Variants in RAP1GAP2 observed in about 807,000 individuals in gnomAD.
RAP1GAP2 encodes the protein RAP1 GTPase activating protein 2.
Under a neutral mutation model 95.0 loss-of-function variants are expected in RAP1GAP2, and 27 were observed. That is an observed-to-expected ratio of 0.28 (90% CI 0.21 to 0.39). The LOEUF (loss-of-function observed/expected upper bound fraction) is 0.39. Among genes scored for constraint, RAP1GAP2 ranks in the 10% least tolerant of loss-of-function variants. RAP1GAP2 has a pLI of 1.00. For missense variants in RAP1GAP2, 771 were observed against 970.0 expected, an observed-to-expected ratio of 0.79 and a Z score of 2.72; for synonymous variants, 373 against 380.9, an observed-to-expected ratio of 0.98 and a Z score of 0.24.
chr17:2,771,514 A>G (rs956343297), intron 2 of RAP1GAP2, among the ~76,000 whole-genome samples: 5 of 111,260 alleles, frequency 4.5e-5, no homozygotes, highest in African/African-American at 1.8e-4. Flanking sequence ...TTTTTTTTAG[A>G]TAGAGTTTTG....
intron 2 of RAP1GAP2, among the ~76,000 whole-genome samples, chr17:2,860,459 G>C (rs1448878381): frequency 3.3e-5 from 5 of 151,928 alleles, no homozygotes; most frequent in African/African-American, 1.2e-4. Flanking sequence ...TTAATCTCCT[G>C]CTTGGTCTCC....
At chr17:2,891,776 T>C (rs2073724027) in intron 2 of RAP1GAP2, among the ~76,000 whole-genome samples, 1 of 150,844 alleles carries the variant, frequency 6.6e-6, no homozygotes, top group African/African-American at 2.4e-5. Flanking sequence ...AGAGTTGCTG[T>C]TGAAAAGTCT....
chr17:2,897,804 A>G (rs957352639), intron 2 of RAP1GAP2, among the ~76,000 whole-genome samples: 5 of 152,096 alleles, frequency 3.3e-5, no homozygotes, highest in Non-Finnish European at 5.9e-5. Context: ...GCTTGTCTGC[A>G]TAATGAGGCT....
intron 9 of RAP1GAP2, 55 bp from the exon 10 acceptor site, chr17:2,981,140 C>G: frequency 6.5e-7 from 1 of 1,531,322 alleles, no homozygotes. Flanking sequence ...GCAGAGGAGC[C>G]CAGATGTCCT....
chr17:3,014,893 T>C (rs9903645), intron 17 of RAP1GAP2, among the ~76,000 whole-genome samples: 103,984 of 152,088 alleles, frequency 0.68, 35,683 homozygotes, highest in Admixed American at 0.7. Flanking sequence ...AACTCATTCA[T>C]GGAACCTGGC....
rs1597574115 is a variant in RAP1GAP2 at position 2,906,159 on chromosome 17, C to T, written c.165+791C>T. 6.6e-6 allele frequency among the ~76,000 whole-genome samples: 1 copy of T among 152,144 alleles called. No individual in the cohort carries two copies. On this transcript the variant is annotated intron_variant, in intron 3 of 24. Coordinates refer to ENST00000254695, the MANE Select transcript of RAP1GAP2 (RefSeq NM_015085.5). This position sits in a 1 kb window ranked among gnomAD's most constrained non-coding sequence, Gnocchi z 4.3. ...GTGAGGACTAGTGCTGAAGAAGTCA[C>T]CTGCCTCCTGAGTCATCTGAGGGGA...
chr17:2,975,222 C>T (rs374173165), intron 8 of RAP1GAP2, among the ~76,000 whole-genome samples: 2 of 150,706 alleles, frequency 1.3e-5, no homozygotes, highest in African/African-American at 2.4e-5. Flanking sequence ...CAGAGCAAGA[C>T]TGCGTCTCAA....
At chr17:3,002,087 T>C (rs7502034) in intron 14 of RAP1GAP2, among the ~76,000 whole-genome samples, 13,932 of 151,752 alleles carry the variant, frequency 0.092, 648 homozygotes, top group South Asian at 0.15. Context: ...CTCAGCCTCC[T>C]GAGTAGGTGG....
At chr17:2,914,725 T>C (rs1021785277) in intron 3 of RAP1GAP2, among the ~76,000 whole-genome samples, 6 of 151,038 alleles carry the variant, frequency 4.0e-5, no homozygotes, top group East Asian at 2.0e-4. Flanking sequence ...CTCCTGACCT[T>C]GTGATCCACC....
At chr17:2,967,238 G>A (rs921194146) in intron 8 of RAP1GAP2, among the ~76,000 whole-genome samples, 2 of 152,124 alleles carry the variant, frequency 1.3e-5, no homozygotes, top group Non-Finnish European at 2.9e-5. Context: ...GGGCGTGGTG[G>A]CGGGTGCCTG....
At chr17:2,907,038 C>T (rs935254006) in intron 3 of RAP1GAP2, among the ~76,000 whole-genome samples, 7 of 152,156 alleles carry the variant, frequency 4.6e-5, no homozygotes, top group Non-Finnish European at 7.4e-5. Context: ...TTGTGGCAGC[C>T]GAAGGGTGGT....
chr17:3,012,958 C>T (rs375299185), intron 17 of RAP1GAP2, among the ~76,000 whole-genome samples: 19 of 152,304 alleles, frequency 1.2e-4, no homozygotes, highest in South Asian at 4.1e-4. Context: ...CACGTGCAGG[C>T]CACATTTTGA....
At chr17:2,930,605 C>T (rs1431168891) in intron 3 of RAP1GAP2, among the ~76,000 whole-genome samples, 1 of 152,194 alleles carries the variant, frequency 6.6e-6, no homozygotes. Context: ...GGTGGGAATG[C>T]CGCTTCAAAC....
chr17:2,805,424 C>T (rs1333588833), intron 2 of RAP1GAP2, among the ~76,000 whole-genome samples: 6 of 152,120 alleles, frequency 3.9e-5, no homozygotes, highest in African/African-American at 1.2e-4. Context: ...GGTGCAATCT[C>T]GGCTCACTGC....
rs897372200 is a variant in RAP1GAP2 at position 2,965,816 on chromosome 17, A to G, written c.596+173A>G. 9 of 604,682 alleles carry G rather than the reference A, an allele frequency of 1.5e-5. No individual in the cohort carries two copies. The highest frequency in any genetic ancestry group is 1.5e-4 in the African/African-American group (8 of 53,996). 37.5% of individuals were successfully genotyped at this position (604,682 alleles called of 1,614,324 possible). ...GGGGCTGTGTCTGAAGTTGCCTAGC[A>G]GGGAGACCCACGCGCTCCACCAGTT... On this transcript the variant is annotated intron_variant, in intron 8 of 24. Coordinates refer to ENST00000254695, the MANE Select transcript of RAP1GAP2 (RefSeq NM_015085.5). The surrounding 1 kb of genome is among the most constrained non-coding windows in gnomAD (Gnocchi z 4.7).
chr17:2,819,222 G>T (rs2070175285), intron 2 of RAP1GAP2, among the ~76,000 whole-genome samples: 2 of 151,716 alleles, frequency 1.3e-5, no homozygotes, highest in African/African-American at 4.8e-5. Context: ...GGGTTTCACC[G>T]TGTTAGCCAG....
chr17:2,869,440 A>G (rs900255951), intron 2 of RAP1GAP2, among the ~76,000 whole-genome samples: 4 of 129,498 alleles, frequency 3.1e-5, no homozygotes, highest in Non-Finnish European at 5.0e-5. Flanking sequence ...TAAAATGATG[A>G]AAAAAAAAAA....
At chr17:2,818,337 A>T (rs929820037) in intron 2 of RAP1GAP2, among the ~76,000 whole-genome samples, 1 of 128,626 alleles carries the variant, frequency 7.8e-6, no homozygotes, top group African/African-American at 3.8e-5. Flanking sequence ...TTATTTATTT[A>T]TTTATTTTTG....
chr17:3,019,320 T>C (rs934133453), intron 18 of RAP1GAP2, among the ~76,000 whole-genome samples: 1 of 152,096 alleles, frequency 6.6e-6, no homozygotes, highest in African/African-American at 2.4e-5. Context: ...GAGACCAGCT[T>C]GGGGAACAAA....
Sources: allele counts gnomAD v4.1 joint callset (sites outside exome capture counted in the v4.1 genomes callset), GRCh38; gene constraint gnomAD v4.1.1; non-coding constraint Gnocchi (gnomAD v3.1); transcripts MANE v1.5; gene names NCBI Gene and HGNC (gene_info 2026-07-23, HGNC 2026-07-21).